Variants in RBFOX1 observed in about 807,000 individuals in gnomAD.
RBFOX1 encodes the protein RNA binding protein fox-1 homolog 1.
A neutral mutation model predicts 57.7 loss-of-function variants in RBFOX1; 8 were observed. The observed-to-expected ratio is 0.14, with a 90% confidence interval of 0.08 to 0.25. RBFOX1 has a LOEUF of 0.25. Ranked by LOEUF, RBFOX1 falls within the 10% of genes least tolerant of loss-of-function variation. The probability of loss-of-function intolerance (pLI) is 1.00; values close to 1 mark genes in which losing one functional copy is unlikely to be tolerated. For missense variants in RBFOX1, 611 were observed against 548.5 expected (o/e 1.11, Z -1.14); for synonymous variants, 326 against 222.4 (o/e 1.47, Z -4.15).
chr16:7,661,649 C>T (rs1289063688), intron 12 of RBFOX1, among the ~76,000 whole-genome samples: 1 of 152,216 alleles, frequency 6.6e-6, no homozygotes, highest in African/African-American at 2.4e-5. Flanking sequence ...ACTTCCTGTA[C>T]ACTCTGGGAG....
At chr16:7,171,072 T>C (rs1473221086) in intron 4 of RBFOX1, among the ~76,000 whole-genome samples, 3 of 152,194 alleles carry the variant, frequency 2.0e-5, no homozygotes, top group Non-Finnish European at 4.4e-5. Context: ...TTATTTCTTG[T>C]TGGAGGTCCA....
chr16:5,655,062 G>A (rs756195293), intron 3 of RBFOX1, among the ~76,000 whole-genome samples: 4 of 152,264 alleles, frequency 2.6e-5, no homozygotes, highest in African/African-American at 7.2e-5. Context: ...ACACTAGGGC[G>A]CATCTGTCTC....
intron 2 of RBFOX1, among the ~76,000 whole-genome samples, chr16:6,343,260 CT>C: frequency 1.3e-5 from 2 of 151,964 alleles, no homozygotes; most frequent in Non-Finnish European, 2.9e-5. Flanking sequence ...ATGTAGAAAA[CT>C]CTGTCTATTA....
rs868404821 is a variant in RBFOX1 at position 7,029,073 on chromosome 16, T to C, written c.-15-22984T>C. Among the ~76,000 whole-genome samples the C allele has an allele frequency of 8.8e-4, 40 of 45,596 alleles. 1 individual carries two copies. Among genetic ancestry groups the C allele is most frequent in the South Asian group, 4.5e-3 (5 of 1,120 alleles). The allele number at this position is 45,596 out of a possible 152,430, so 29.9% of individuals were successfully genotyped here. ...ATATATATATATATATATATATATATATATATATACACACACACACACACA... is the reference window on the plus strand; with the variant it reads ...ATATATATATATATATATATATATACATATATATACACACACACACACACA... On this transcript the variant is annotated intron_variant, in intron 3 of 15. Coordinates refer to ENST00000550418, the MANE Select transcript of RBFOX1 (RefSeq NM_018723.4).
At chr16:5,353,184 G>A (rs2065302711) in intron 1 of RBFOX1, among the ~76,000 whole-genome samples, 1 of 152,016 alleles carries the variant, frequency 6.6e-6, no homozygotes. Context: ...GATCAGCCTG[G>A]CCAACATGGT....
chr16:6,655,127 A>C (rs1475332520), intron 3 of RBFOX1, among the ~76,000 whole-genome samples: 1 of 151,716 alleles, frequency 6.6e-6, no homozygotes, highest in Non-Finnish European at 1.5e-5. Context: ...TAATCCCAAC[A>C]CTTTGGGAGG....
chr16:6,538,996 T>C (rs1458181933), intron 2 of RBFOX1, among the ~76,000 whole-genome samples: 1 of 152,172 alleles, frequency 6.6e-6, no homozygotes, highest in African/African-American at 2.4e-5. Context: ...ACTGTGTCAT[T>C]CCAATGTTAT....
chr16:6,976,365 C>A (rs901547600), intron 3 of RBFOX1, among the ~76,000 whole-genome samples: 1 of 152,100 alleles, frequency 6.6e-6, no homozygotes, highest in Non-Finnish European at 1.5e-5. Context: ...CAGTCCTATC[C>A]ATGAATACAT....
intron 1 of RBFOX1, among the ~76,000 whole-genome samples, chr16:5,391,599 A>G (rs958195983): frequency 1.2e-4 from 19 of 152,006 alleles, no homozygotes; most frequent in East Asian, 3.9e-4. Context: ...AAATCAAGCT[A>G]TCTCCAGAGT....
At chr16:6,394,086 C>T (rs1431547443) in intron 2 of RBFOX1, among the ~76,000 whole-genome samples, 3 of 152,186 alleles carry the variant, frequency 2.0e-5, no homozygotes, top group Non-Finnish European at 2.9e-5. Flanking sequence ...CATGACTGTG[C>T]ATCTCCACTG....
chr16:6,874,761 T>C (rs1051820866), intron 3 of RBFOX1, among the ~76,000 whole-genome samples: 11 of 151,956 alleles, frequency 7.2e-5, no homozygotes, highest in Non-Finnish European at 1.6e-4. Context: ...CATAATGTAC[T>C]CTTGGGACTT....
chr16:6,708,904 C>G (rs1030298666), intron 3 of RBFOX1, among the ~76,000 whole-genome samples: 1 of 152,154 alleles, frequency 6.6e-6, no homozygotes, highest in Non-Finnish European at 1.5e-5. Context: ...GCTTCCCACT[C>G]CATTGCGTCC....
intron 4 of RBFOX1, among the ~76,000 whole-genome samples, chr16:7,308,709 C>G (rs777769848): frequency 2.0e-5 from 3 of 152,182 alleles, no homozygotes; most frequent in Non-Finnish European, 4.4e-5. Flanking sequence ...CCCTTTCTGT[C>G]TTTAATTAGA....
At chr16:6,586,934 A>AAT (rs937758830) in intron 2 of RBFOX1, among the ~76,000 whole-genome samples, 4 of 152,056 alleles carry the variant, frequency 2.6e-5, no homozygotes, top group East Asian at 1.9e-4. Flanking sequence ...GATGTTTTGA[A>AAT]ATATATATAT....
At chr16:7,304,368 C>G in intron 4 of RBFOX1, 4 of 985,334 alleles carry the variant, frequency 4.1e-6, no homozygotes, top group Non-Finnish European at 4.8e-6. Flanking sequence ...TCGGGCTCGG[C>G]GGGCGCCAGA....
intron 4 of RBFOX1, among the ~76,000 whole-genome samples, chr16:7,375,780 C>G (rs1332678761): frequency 1.3e-5 from 2 of 152,022 alleles, no homozygotes; most frequent in African/African-American, 4.8e-5. Flanking sequence ...ACTCTCTCTC[C>G]CCCCATGCTT....
intron 2 of RBFOX1, among the ~76,000 whole-genome samples, chr16:6,500,896 T>TTGTTGTTTGTTTGTTTGTTTG (rs1555507186): frequency 2.1e-5 from 3 of 142,332 alleles, no homozygotes; most frequent in Non-Finnish European, 3.0e-5. Flanking sequence ...TTTTTTTTTT[T>TTGTTGTTTGTTTGTTTGTTTG]TTTTTAATGC....
intron 3 of RBFOX1, among the ~76,000 whole-genome samples, chr16:6,973,681 T>A (rs926587606): frequency 3.9e-5 from 6 of 152,186 alleles, no homozygotes; most frequent in African/African-American, 1.4e-4. Flanking sequence ...CATTTGGGAT[T>A]TTTCGAGTAA....
At chr16:6,290,171 A>C (rs2077321416) in intron 1 of RBFOX1, among the ~76,000 whole-genome samples, 1 of 140,432 alleles carries the variant, frequency 7.1e-6, no homozygotes, top group African/African-American at 2.6e-5. Context: ...ATTACCTGAA[A>C]GTGAGCATTA....
Sources: allele counts gnomAD v4.1 joint callset (sites outside exome capture counted in the v4.1 genomes callset), GRCh38; gene constraint gnomAD v4.1.1; transcripts MANE v1.5; gene names NCBI Gene and HGNC (gene_info 2026-07-23, HGNC 2026-07-21).